The following CRNN variants were observed in gnomAD, a reference collection of about 807,000 sequenced individuals.
CRNN encodes the protein 53 kDa putative calcium-binding protein.
Under a neutral mutation model 44.7 loss-of-function variants are expected in CRNN, and 39 were observed. The ratio of observed to expected loss-of-function variants is 0.87; its 90% CI spans 0.68 to 1.14. The LOEUF (loss-of-function observed/expected upper bound fraction) is 1.14. CRNN is among the 50% of genes most tolerant of loss of function. The pLI is 0.00. For missense variants in CRNN, 606 were observed against 605.1 expected, an observed-to-expected ratio of 1.00 and a Z score of -0.02; for synonymous variants, 240 against 231.8, an observed-to-expected ratio of 1.04 and a Z score of -0.32.
In CRNN at chr1:152,410,431, C is replaced by T. The variant is rs1364395299; in HGVS notation, c.651G>A (p.Gln217=). 1.9e-6 allele frequency: 3 copies of T among 1,614,084 alleles called. No homozygotes were observed. Among genetic ancestry groups the T allele is most frequent in the Non-Finnish European group, 8.5e-7 (1 of 1,180,046 alleles). Residue 217 remains glutamine, a synonymous_variant, in exon 3 of 3, where the codon CAG becomes CAA. Transcript: ENST00000271835. ...TCTCACCTGTCTGGTGGGCTCTGTC[C>T]TGTTCCCTGGTCTGTGGCTGTCTCT... ...RPERQPQTRE[Q]DRAHQTGETV...
Position 152,412,097 on chromosome 1 carries a change from A to G in CRNN, c.137T>C (p.Val46Ala), listed in dbSNP as rs1310370135. The G allele has an allele frequency of 1.2e-6, 2 of 1,606,148 alleles. No individual in the cohort carries two copies. Among genetic ancestry groups the G allele is most frequent in the Non-Finnish European group, 1.7e-6 (2 of 1,174,034 alleles). Residue 46 changes from valine (V) to alanine (A), a missense_variant and splice_region_variant, in exon 2 of 3, where the codon GTG (valine) becomes GCG (alanine). Transcript: ENST00000271835. ...TCCACCCGGCTCAGCACACCGTACC[A>G]CAATCACATCGGCAAACTCTTGCTC... ...LLEQEFADVI[V>A]KPHDPATVDE...
Position 152,411,425 on chromosome 1 carries a change from C to G in CRNN, c.139-482G>C, listed in dbSNP as rs548059342. Reference sequence around the variant, plus strand: ...TAAAGAGGGAGGGAAGCAGTGGGCCCCTGCAGCGCTGCCCTGAGCATGTGG... The same window carrying G: ...TAAAGAGGGAGGGAAGCAGTGGGCCGCTGCAGCGCTGCCCTGAGCATGTGG... On this transcript the variant is annotated intron_variant, in intron 2 of 2. Transcript: ENST00000271835. Among the ~76,000 whole-genome samples, 4 of 152,252 alleles carry G rather than the reference C, an allele frequency of 2.6e-5. No homozygotes were observed. The South Asian group carries it at 8.3e-4, about 32-fold the overall frequency.
chr1:152,413,750 T>A (rs542312406), intron 1 of CRNN, among the ~76,000 whole-genome samples: 1 of 152,044 alleles, frequency 6.6e-6, no homozygotes, highest in Non-Finnish European at 1.5e-5. Context: ...TTAGTTACAT[T>A]TTAGATTCCT....
chr1:152,412,924 T>G (rs1479353823), intron 1 of CRNN, among the ~76,000 whole-genome samples: 3 of 152,128 alleles, frequency 2.0e-5, no homozygotes, highest in South Asian at 2.1e-4. Context: ...CAAAAGGAAG[T>G]AAATACATCT....
chr1:152,410,375 G>T lies in CRNN; in HGVS notation c.707C>A (p.Ala236Glu), dbSNP rs1394445489. The T allele has an allele frequency of 1.9e-6, 3 of 1,613,950 alleles. No homozygotes were observed. The highest frequency in any genetic ancestry group is 2.5e-6 in the Non-Finnish European group (3 of 1,180,020). ...TVTGSGTQTQAGATQTVEQDS... is the reference protein window; with the variant it reads ...TVTGSGTQTQEGATQTVEQDS... ...CTGCTCCACAGTCTGGGTGGCACCT[G>T]CCTGGGTCTGAGTTCCAGATCCAGT... Residue 236 changes from alanine to glutamate, a missense_variant, in exon 3 of 3, where the codon GCA (alanine) becomes GAA (glutamate). Transcript: ENST00000271835.
rs1283152040 is a variant in CRNN, at chr1:152,409,726, G to T, written c.1356C>A (p.Ile452=). Residue 452 remains isoleucine (I), a synonymous_variant, in exon 3 of 3, where the codon ATC becomes ATA. Transcript: ENST00000271835. ...WVDDHSRETV[I]LRLDQGNLHT... ...GCAAGTTGCCCTGGTCCAGCCTGAG[G>T]ATCACTGTCTCCCTTGAGTGGTCAT... The T allele has an allele frequency of 6.2e-7, 1 of 1,614,214 alleles. No homozygotes were observed. The highest frequency in any genetic ancestry group is 8.5e-7 in the Non-Finnish European group (1 of 1,180,030).
In CRNN at chr1:152,409,456, C is replaced by T; in HGVS notation, c.*138G>A. The T allele has an allele frequency of 1.4e-6, 2 of 1,432,372 alleles. No individual in the cohort carries two copies. The highest frequency in any genetic ancestry group is 2.7e-5 in the Admixed American group (1 of 37,276). 88.7% of individuals were successfully genotyped at this position (1,432,372 alleles called of 1,614,324 possible). A position where few individuals can be genotyped will look rare whatever the true frequency, so the allele number is the denominator to read the frequency against. On this transcript the variant is annotated 3_prime_UTR_variant, in exon 3 of 3. Transcript: ENST00000271835. ...AGAAAGCTCCTTGCAGAAATTATCT[C>T]ATTGAGAAAGACCTAAAAGGGAAGC...
rs1009010792 is a variant in CRNN, at chr1:152,410,355, C to T, written c.727G>A (p.Glu243Lys). 1 of 1,614,008 alleles carries T rather than the reference C, an allele frequency of 6.2e-7. No homozygotes were observed. The highest frequency in any genetic ancestry group is 1.3e-5 in the African/African-American group (1 of 74,908). The change falls in exon 3 of 3, where the codon GAG becomes AAG. Residue 243 changes from glutamate to lysine, a missense_variant. By Grantham distance (56) the Glu-to-Lys change is moderately conservative. Coordinates refer to ENST00000271835, the MANE Select transcript of CRNN (RefSeq NM_016190.3). Reference sequence around the variant, plus strand: ...CCTGTCTGGTGGCTGCTGTCCTGCTCCACAGTCTGGGTGGCACCTGCCTGG... The same window carrying T: ...CCTGTCTGGTGGCTGCTGTCCTGCTTCACAGTCTGGGTGGCACCTGCCTGG... Reference protein sequence around the residue: ...QTQAGATQTVEQDSSHQTGRT... With the variant: ...QTQAGATQTVKQDSSHQTGRT...
chr1:152,412,066 C>T, intron 2 of CRNN, 30 bp downstream of exon 2: 1 of 1,577,012 alleles, frequency 6.3e-7, no homozygotes, highest in Non-Finnish European at 8.7e-7. Context: ...CCTGCTATGT[C>T]CCCTCTCCAC....
chr1:152,410,187 T>G lies in CRNN; in HGVS notation c.895A>C (p.Thr299Pro). 4 of 1,610,262 alleles carry G rather than the reference T, an allele frequency of 2.5e-6. No homozygotes were observed. Among genetic ancestry groups the G allele is most frequent in the Non-Finnish European group, 2.5e-6 (3 of 1,179,216 alleles). Residue 299 changes from threonine to proline, a missense_variant, in exon 3 of 3, where the codon ACC (threonine) becomes CCC (proline). Physicochemically the swap from Thr to Pro is conservative, Grantham distance 38. Coordinates refer to ENST00000271835, the MANE Select transcript of CRNN (RefSeq NM_016190.3). ...CTGCTGTCCTGCTCCACGGTCTGGG[T>G]GGGTGTCTGGGTGTGTGTCCCTGCC... The part of the protein sequence containing the change: ...IQAGTHTQTP[T>P]QTVEQDSSHQ...
At position 152,410,757 on chromosome 1, in the gene CRNN, C is replaced by A. The variant is rs766612852; in HGVS notation, c.325G>T (p.Ala109Ser). 3 of 1,614,112 alleles carry A rather than the reference C, an allele frequency of 1.9e-6. No homozygotes were observed. The highest frequency in any genetic ancestry group is 2.7e-5 in the African/African-American group (2 of 74,944). ...SQESGSLHSG[A>S]SQELGEGQRS... is the part of the protein sequence containing the mutation. ...TGTCCTTCGCCCAGCTCCTGCGAGG[C>A]CCCAGAGTGGAGGCTTCCAGACTCT... is the stretch of plus-strand genomic sequence containing the variant. The change falls in exon 3 of 3, where the codon GCC becomes TCC. Residue 109 changes from alanine (A) to serine (S), a missense_variant. Ala to Ser is a moderately conservative substitution (Grantham distance 99). Transcript: ENST00000271835.
Position 152,411,432 on chromosome 1 carries a change from C to T in CRNN, c.139-489G>A, listed in dbSNP as rs189728065. On this transcript the variant is annotated intron_variant, in intron 2 of 2. Coordinates refer to ENST00000271835, the MANE Select transcript of CRNN (RefSeq NM_016190.3). ...GGAGGGAAGCAGTGGGCCCCTGCAG[C>T]GCTGCCCTGAGCATGTGGATGCAGC... Among the ~76,000 whole-genome samples, 8 of 152,288 alleles carry T rather than the reference C, an allele frequency of 5.3e-5. No homozygotes were observed. In the East Asian group the frequency reaches 5.8e-4, roughly 11 times the overall value.
chr1:152,409,916 T>A lies in CRNN; in HGVS notation c.1166A>T (p.Gln389Leu). ...TQPGSGQRWM[Q>L]VSNPEAGETV... ...CTCTCCTGCCTCAGGGTTGCTCACT[T>A]GCATCCATCTTTGACCACTGCCTGG... The change falls in exon 3 of 3, where the codon CAA becomes CTA. Residue 389 changes from glutamine (Q) to leucine (L), a missense_variant. By Grantham distance (113) the Gln-to-Leu change is moderately radical. Transcript: ENST00000271835. 1 of 1,614,224 alleles carries A rather than the reference T, an allele frequency of 6.2e-7. No homozygotes were observed. The highest frequency in any genetic ancestry group is 8.5e-7 in the Non-Finnish European group (1 of 1,180,032).
Position 152,409,878 on chromosome 1 carries a change from C to T in CRNN, c.1204G>A (p.Gly402Arg). ...NPEAGETVPG[G>R]QAQTGASTES... ...GTGCTTGCCCCAGTCTGGGCCTGTC[C>T]TCCCGGTACTGTCTCTCCTGCCTCA... Residue 402 changes from glycine to arginine, a missense_variant, in exon 3 of 3, where the codon GGA (glycine) becomes AGA (arginine). Coordinates refer to ENST00000271835, the MANE Select transcript of CRNN (RefSeq NM_016190.3). The T allele has an allele frequency of 3.7e-6, 6 of 1,614,206 alleles. No individual in the cohort carries two copies. The highest frequency in any genetic ancestry group is 1.7e-5 in the Admixed American group (1 of 60,026).
Position 152,409,899 on chromosome 1 carries a change from C to T in CRNN, c.1183G>A (p.Ala395Thr), listed in dbSNP as rs577613692. The change falls in exon 3 of 3, where the codon GCA (alanine) becomes ACA (threonine). Residue 395 changes from alanine (A) to threonine (T), a missense_variant. Transcript: ENST00000271835. The part of the protein sequence containing the change: ...QRWMQVSNPE[A>T]GETVPGGQAQ... ...TGTCCTCCCGGTACTGTCTCTCCTG[C>T]CTCAGGGTTGCTCACTTGCATCCAT... 3.1e-6 allele frequency: 5 copies of T among 1,614,224 alleles called. No individual in the cohort carries two copies. The South Asian group carries it at 5.5e-5, about 18-fold the overall frequency.
chr1:152,411,027 C>G, intron 2 of CRNN, 84 bp from the exon 3 acceptor site: 1 of 1,496,786 alleles, frequency 6.7e-7, no homozygotes, highest in East Asian at 2.3e-5. Context: ...CCAGCTTCCC[C>G]TGCCTCAGAC....
In CRNN at chr1:152,410,914, C is replaced by T. The variant is rs769553947; in HGVS notation, c.168G>A (p.Glu56=). The change falls in exon 3 of 3, where the codon GAG becomes GAA. Residue 56 remains glutamate, a synonymous_variant. Coordinates refer to ENST00000271835, the MANE Select transcript of CRNN (RefSeq NM_016190.3). ...VKPHDPATVD[E]VLRLLDEDHT... The stretch of plus-strand genomic sequence containing the variant: ...GGTCTTCATCCAGCAGACGCAGGAC[C>T]TCATCCACAGTTGCTGGATCGTGGG... The T allele has an allele frequency of 1.9e-6, 3 of 1,612,370 alleles. No homozygotes were observed. Among genetic ancestry groups the T allele is most frequent in the East Asian group, 2.2e-5 (1 of 44,872 alleles).
In CRNN at chr1:152,409,587, G is replaced by A. The variant is rs571239883; in HGVS notation, c.*7C>T. On this transcript the variant is annotated 3_prime_UTR_variant, in exon 3 of 3. Coordinates refer to ENST00000271835, the MANE Select transcript of CRNN (RefSeq NM_016190.3). ...TCTTCCAGTACTGGACATTGGAGTC[G>A]GGGAAGTCATGGCTTGGTGCTTCTC... is the stretch of plus-strand genomic sequence containing the variant. 24 of 1,601,812 alleles carry A rather than the reference G, an allele frequency of 1.5e-5. No homozygotes were observed. The highest frequency in any genetic ancestry group is 4.0e-5 in the African/African-American group (3 of 75,000).
intron 1 of CRNN, 43 bp from the exon 2 acceptor site, chr1:152,412,289 C>T (rs963885197): frequency 1.9e-6 from 3 of 1,568,856 alleles, no homozygotes; most frequent in Non-Finnish European, 2.6e-6. Context: ...CATAATCAAC[C>T]TCAGCTATTT....
Sources: gnomAD v4.1 joint callset for allele counts (sites outside exome capture counted in the v4.1 genomes callset) on GRCh38, gnomAD v4.1.1 for gene constraint, MANE v1.5 for transcripts, NCBI Gene and HGNC (gene_info 2026-07-23, HGNC 2026-07-21) for gene names.